Variants in UBE2D4 observed in about 807,000 individuals in gnomAD.
UBE2D4 encodes the protein ubiquitin conjugating enzyme E2 D4, also known as ubiquitin-conjugating enzyme E2 D4.
Under a neutral mutation model 23.0 loss-of-function variants are expected in UBE2D4, and 17 were observed. The observed-to-expected ratio is 0.74, with a 90% confidence interval of 0.51 to 1.11. The LOEUF is 1.11. UBE2D4 is among the 50% of genes least tolerant of loss of function. The pLI is 0.00. For synonymous variants in UBE2D4, 61 were observed against 69.4 expected (o/e 0.88, Z 0.60); for missense variants, 139 against 181.8 (o/e 0.76, Z 1.35).
chr7:43,946,513 G>T (rs1339304077), intron 4 of UBE2D4, among the ~76,000 whole-genome samples: 1 of 151,760 alleles, frequency 6.6e-6, no homozygotes, highest in Non-Finnish European at 1.5e-5. Context: ...GCACTTGTTT[G>T]TGCTTCCTTG....
In UBE2D4 at chr7:43,950,649, CT is replaced by C; in HGVS notation, c.356del (p.Leu119ArgfsTer5). On this transcript the variant is annotated frameshift_variant, in exon 6 of 7. Coordinates refer to ENST00000222402, the MANE Select transcript of UBE2D4 (RefSeq NM_015983.4). LOFTEE classifies it high-confidence loss of function. The part of the protein sequence containing the change: ...LLCDPNPDDP[L>X]VPEIAHTYKA... ...CTGCGACCCCAACCCCGATGACCCC[CT>C]GGTGCCAGAGATAGCACACACCTAC... 1 of 1,614,250 alleles carries C rather than the reference CT, an allele frequency of 6.2e-7. No individual in the cohort carries two copies. Among genetic ancestry groups the C allele is most frequent in the Non-Finnish European group, 8.5e-7 (1 of 1,180,046 alleles).
At chr7:43,933,604 G>A (rs551107762) in intron 1 of UBE2D4, among the ~76,000 whole-genome samples, 33 of 152,192 alleles carry the variant, frequency 2.2e-4, no homozygotes, top group Middle Eastern at 6.8e-3. Flanking sequence ...GCTGGGCATG[G>A]TGGTGCGTTC....
chr7:43,933,013 T>TATATATATACATACAC (rs1340458201), intron 1 of UBE2D4, among the ~76,000 whole-genome samples: 1 of 116,648 alleles, frequency 8.6e-6, no homozygotes, highest in African/African-American at 3.4e-5. Flanking sequence ...TATATATATA[T>TATATATATACATACAC]ACACACACAT....
At position 43,946,116 on chromosome 7, in the gene UBE2D4, G is replaced by A. The variant is rs78867375; in HGVS notation, c.199-2516G>A. 458 of 152,196 alleles carry A rather than the reference G, an allele frequency of 3.0e-3. 12 individuals carry two copies. In the East Asian group the frequency reaches 0.048, roughly 16 times the overall value. 9.4% of individuals were successfully genotyped at this position (152,196 alleles called of 1,614,324 possible). ...TATGTTCCTTTGCCCCAGCCCCTGC[G>A]TTGGGGTCACTGCTCACCCAGAGGG... On this transcript the variant is annotated intron_variant, in intron 4 of 6. Coordinates refer to ENST00000222402, the MANE Select transcript of UBE2D4 (RefSeq NM_015983.4).
At chr7:43,933,785 T>C (rs2095952436) in intron 1 of UBE2D4, among the ~76,000 whole-genome samples, 1 of 152,046 alleles carries the variant, frequency 6.6e-6, no homozygotes, top group African/African-American at 2.4e-5. Context: ...GGAAATAAGA[T>C]AATACCATAT....
chr7:43,930,542 A>C (rs1366012730), intron 1 of UBE2D4, among the ~76,000 whole-genome samples: 11 of 152,068 alleles, frequency 7.2e-5, no homozygotes, highest in Admixed American at 7.2e-4. Context: ...TGCAGCCTTG[A>C]CCTCCTGGGC....
chr7:43,926,688 G>GA, intron 1 of UBE2D4, 132 bp downstream of exon 1: 1 of 958,832 alleles, frequency 1.0e-6, no homozygotes, highest in South Asian at 2.2e-5. Flanking sequence ...GAAGGAGGCA[G>GA]AACAGCCTCC....
intron 5 of UBE2D4, among the ~76,000 whole-genome samples, chr7:43,949,551 G>GC (rs1209101798): frequency 6.6e-6 from 1 of 152,168 alleles, no homozygotes; most frequent in Non-Finnish European, 1.5e-5. Flanking sequence ...AGGCAAACCT[G>GC]CCCCTGTCAT....
chr7:43,941,367 G>T (rs528750423), intron 2 of UBE2D4: 2 of 152,412 alleles, frequency 1.3e-5, no homozygotes, highest in African/African-American at 4.8e-5. Flanking sequence ...TAGCCTTGCT[G>T]ATACACAGGA....
At chr7:43,949,895 C>A (rs1250163165) in intron 5 of UBE2D4, among the ~76,000 whole-genome samples, 1 of 152,044 alleles carries the variant, frequency 6.6e-6, no homozygotes, top group Non-Finnish European at 1.5e-5. Context: ...GCTCTTGTTG[C>A]CCAGGGTGGA....
intron 5 of UBE2D4, among the ~76,000 whole-genome samples, chr7:43,949,380 C>G (rs1050296385): frequency 2.6e-5 from 4 of 152,130 alleles, no homozygotes; most frequent in African/African-American, 9.7e-5. Flanking sequence ...AGAAACAGAG[C>G]CTGGCCTAAA....
intron 6 of UBE2D4, 27 bp from the exon 7 acceptor site, chr7:43,952,623 G>A (rs777455063): frequency 1.5e-5 from 24 of 1,608,518 alleles, no homozygotes; most frequent in Non-Finnish European, 2.0e-5. Context: ...AAGTGAGGGT[G>A]TCACTTCCTC....
At chr7:43,933,013 T>TATATATAC (rs1340458201) in intron 1 of UBE2D4, among the ~76,000 whole-genome samples, 11,104 of 116,472 alleles carry the variant, frequency 0.095, 1,273 homozygotes, top group East Asian at 0.24. Flanking sequence ...TATATATATA[T>TATATATAC]ACACACACAT....
intron 1 of UBE2D4, among the ~76,000 whole-genome samples, chr7:43,928,339 T>G (rs2095937827): frequency 6.6e-6 from 1 of 152,080 alleles, no homozygotes; most frequent in South Asian, 2.1e-4. Flanking sequence ...CAACCATCAT[T>G]GTACAATGAG....
chr7:43,936,660 C>T (rs1585863397), intron 1 of UBE2D4, among the ~76,000 whole-genome samples: 1 of 152,240 alleles, frequency 6.6e-6, no homozygotes, highest in Admixed American at 6.5e-5. Context: ...TCTACTTATT[C>T]CTCTCCCTTT....
Position 43,953,407 on chromosome 7 carries a change from T to C in UBE2D4, c.*712T>C, listed in dbSNP as rs2096007310. Reference sequence around the variant, plus strand: ...GCAAAATTATGAAACCTCTAGAGATTTGGGTCATGTTACTCCATTTGATGA... The same window carrying C: ...GCAAAATTATGAAACCTCTAGAGATCTGGGTCATGTTACTCCATTTGATGA... On this transcript the variant is annotated 3_prime_UTR_variant, in exon 7 of 7. Coordinates refer to ENST00000222402, the MANE Select transcript of UBE2D4 (RefSeq NM_015983.4). The C allele has an allele frequency of 8.6e-6, 3 of 347,608 alleles. No individual in the cohort carries two copies. The highest frequency in any genetic ancestry group is 8.2e-5 in the Admixed American group (2 of 24,296). The allele number at this position is 347,608 out of a possible 1,614,324, so 21.5% of individuals were successfully genotyped here.
chr7:43,942,512 G>T, intron 2 of UBE2D4: 1 of 524,020 alleles, frequency 1.9e-6, no homozygotes, highest in South Asian at 2.1e-5. Context: ...ATACAGCAAT[G>T]CCAGGAGAGT....
Position 43,952,910 on chromosome 7 carries a change from CATT to C in UBE2D4, c.*216_*218del. 1 of 512,782 alleles carries C rather than the reference CATT, an allele frequency of 2.0e-6. No homozygotes were observed. Among genetic ancestry groups the C allele is most frequent in the Non-Finnish European group, 3.6e-6 (1 of 277,830 alleles). 31.8% of individuals were successfully genotyped at this position (512,782 alleles called of 1,614,324 possible). On this transcript the variant is annotated 3_prime_UTR_variant, in exon 7 of 7. Coordinates refer to ENST00000222402, the MANE Select transcript of UBE2D4 (RefSeq NM_015983.4). Reference sequence around the variant, plus strand: ...ACCTCTTTGATGCCAAATCAGCAACCATTGTTGTTATGATCTGCAGTCTTCCTG... The same window carrying C: ...ACCTCTTTGATGCCAAATCAGCAACCGTTGTTATGATCTGCAGTCTTCCTG...
chr7:43,927,513 C>T (rs2095935076), intron 1 of UBE2D4, among the ~76,000 whole-genome samples: 2 of 152,074 alleles, frequency 1.3e-5, no homozygotes, highest in Non-Finnish European at 2.9e-5. Context: ...ATATGTTGCC[C>T]AGGCTGGTCT....
Sources: allele counts gnomAD v4.1 joint callset (sites outside exome capture counted in the v4.1 genomes callset), GRCh38; gene constraint gnomAD v4.1.1; transcripts MANE v1.5; gene names NCBI Gene and HGNC (gene_info 2026-07-23, HGNC 2026-07-21).